The following NEDD9 variants were observed in gnomAD, a reference collection of about 807,000 sequenced individuals.
NEDD9 encodes the protein enhancer of filamentation 1.
A neutral mutation model predicts 76.6 loss-of-function variants in NEDD9; 26 were observed. The observed-to-expected ratio is 0.34, with a 90% confidence interval of 0.25 to 0.47. The LOEUF is 0.47. NEDD9 is among the 20% of genes least tolerant of loss of function. The probability of loss-of-function intolerance (pLI) is 1.00; values close to 1 mark genes in which losing one functional copy is unlikely to be tolerated. For missense variants in NEDD9, 937 were observed against 1,058.5 expected (o/e 0.89, Z 1.59); for synonymous variants, 392 against 414.2 (o/e 0.95, Z 0.65).
At chr6:11,320,530 C>T (rs950987995) in intron 2 of NEDD9, among the ~76,000 whole-genome samples, 1 of 152,150 alleles carries the variant, frequency 6.6e-6, no homozygotes, top group African/African-American at 2.4e-5. Context: ...TCCTCAAATG[C>T]CATCCTCAGG....
intron 1 of NEDD9, among the ~76,000 whole-genome samples, chr6:11,379,994 G>A (rs569874117): frequency 1.6e-4 from 25 of 152,334 alleles, no homozygotes; most frequent in Non-Finnish European, 1.9e-4. Context: ...GCAGTAGGAC[G>A]CATCTTCGTG....
chr6:11,294,266 C>A (rs187513047), intron 3 of NEDD9, among the ~76,000 whole-genome samples: 1 of 152,238 alleles, frequency 6.6e-6, no homozygotes, highest in East Asian at 1.9e-4. Context: ...TGTTCCATAA[C>A]GACTATACCA....
At chr6:11,319,709 CACAAACA>C (rs1224442371) in intron 2 of NEDD9, among the ~76,000 whole-genome samples, 5,242 of 149,446 alleles carry the variant, frequency 0.035, 176 homozygotes, top group South Asian at 0.097. Flanking sequence ...AACATGCACA[CACAAACA>C]TGCACACTCA....
At chr6:11,268,746 G>C (rs10947074) in intron 3 of NEDD9, among the ~76,000 whole-genome samples, 23,458 of 136,476 alleles carry the variant, frequency 0.17, 2,099 homozygotes, top group African/African-American at 0.27. Flanking sequence ...CACACACACA[G>C]ACACACACAC....
chr6:11,211,747 G>A (rs1047700328), intron 2 of NEDD9, among the ~76,000 whole-genome samples: 2 of 152,216 alleles, frequency 1.3e-5, no homozygotes, highest in Non-Finnish European at 2.9e-5. Flanking sequence ...CCCTCTTAAC[G>A]AACCTACGCT....
intron 3 of NEDD9, among the ~76,000 whole-genome samples, chr6:11,293,543 G>C (rs1760823611): frequency 2.6e-5 from 4 of 152,208 alleles, no homozygotes; most frequent in Middle Eastern, 3.4e-3. Context: ...ATGATGCTTT[G>C]ATATACATAT....
At chr6:11,232,202 A>T (rs1759489156) in intron 1 of NEDD9, among the ~76,000 whole-genome samples, 2 of 152,162 alleles carry the variant, frequency 1.3e-5, no homozygotes, top group African/African-American at 4.8e-5. Context: ...TTCAAGTCAG[A>T]CACCCTCTGA....
chr6:11,350,799 G>A (rs1415453929), intron 1 of NEDD9, among the ~76,000 whole-genome samples: 1 of 152,110 alleles, frequency 6.6e-6, no homozygotes, highest in African/African-American at 2.4e-5. Flanking sequence ...GCAAGTGGTC[G>A]GGATGCCCTG....
intron 1 of NEDD9, among the ~76,000 whole-genome samples, chr6:11,230,258 A>G (rs775011695): frequency 6.6e-6 from 1 of 152,238 alleles, no homozygotes; most frequent in Non-Finnish European, 1.5e-5. Context: ...AACACTGGCC[A>G]TATTTTAGAG....
chr6:11,302,242 A>C (rs1007236036), intron 3 of NEDD9, among the ~76,000 whole-genome samples: 1 of 152,242 alleles, frequency 6.6e-6, no homozygotes, highest in East Asian at 1.9e-4. Context: ...AAACACCTCT[A>C]TGCAAATAAA....
At chr6:11,249,014 C>A in intron 3 of NEDD9, 1 of 419,890 alleles carries the variant, frequency 2.4e-6, no homozygotes, top group Non-Finnish European at 4.8e-6. Flanking sequence ...ATGCCAGTGA[C>A]TCACCAGTTT....
intron 3 of NEDD9, among the ~76,000 whole-genome samples, chr6:11,247,603 C>T (rs762367562): frequency 1.3e-5 from 2 of 152,166 alleles, no homozygotes; most frequent in African/African-American, 2.4e-5. Context: ...TCCCCATTTC[C>T]CCCCAGGCCC....
Position 11,213,460 on chromosome 6 carries a change from C to T in NEDD9, c.280G>A (p.Val94Met), listed in dbSNP as rs200915045. ...QTFGQQKLYQ[V>M]PNPQAAPRDT... ...CGGGGAGCAGCCTGTGGGTTTGGCA[C>T]TTGATAGAGCTTCTGTTGGCCAAAG... is the stretch of plus-strand genomic sequence containing the variant. Residue 94 changes from valine to methionine, a missense_variant, in exon 2 of 7, where the codon GTG becomes ATG. Val to Met is a conservative substitution (Grantham distance 21, BLOSUM62 1). Coordinates refer to ENST00000379446, the MANE Select transcript of NEDD9 (RefSeq NM_006403.4). The surrounding 1 kb of genome is among the most constrained non-coding windows in gnomAD (Gnocchi z 5.4). 1.2e-6 allele frequency: 2 copies of T among 1,614,098 alleles called. No individual in the cohort carries two copies. The highest frequency in any genetic ancestry group is 2.2e-5 in the East Asian group (1 of 44,878).
chr6:11,282,148 C>T (rs572246864), intron 3 of NEDD9, among the ~76,000 whole-genome samples: 1 of 152,332 alleles, frequency 6.6e-6, no homozygotes, highest in African/African-American at 2.4e-5. Flanking sequence ...GCACAAGGTA[C>T]TTTAATACAT....
intron 3 of NEDD9, among the ~76,000 whole-genome samples, chr6:11,257,631 A>G (rs1453586445): frequency 6.6e-6 from 1 of 152,168 alleles, no homozygotes; most frequent in Non-Finnish European, 1.5e-5. Context: ...CCCGAGGTCA[A>G]CCTGGAAACA....
intron 2 of NEDD9, among the ~76,000 whole-genome samples, chr6:11,312,457 T>A (rs78394794): frequency 0.078 from 11,874 of 152,152 alleles, 595 homozygotes; most frequent in Admixed American, 0.16. Flanking sequence ...GCTGTCATGT[T>A]CAGGCCACTT....
intron 1 of NEDD9, among the ~76,000 whole-genome samples, chr6:11,219,504 C>A (rs1465265873): frequency 6.6e-6 from 1 of 152,230 alleles, no homozygotes; most frequent in African/African-American, 2.4e-5. Flanking sequence ...GTACCCAATC[C>A]CCCAAAACTT....
intron 1 of NEDD9, among the ~76,000 whole-genome samples, chr6:11,351,402 A>T (rs1245965453): frequency 6.6e-6 from 1 of 152,160 alleles, no homozygotes; most frequent in Non-Finnish European, 1.5e-5. Context: ...GGGGTTCAGG[A>T]CATATTGCCC....
At chr6:11,372,124 C>T in intron 1 of NEDD9, among the ~76,000 whole-genome samples, 1 of 151,872 alleles carries the variant, frequency 6.6e-6, no homozygotes, top group South Asian at 2.1e-4. Context: ...CCCTACCTGC[C>T]CCCCATAATC....
Sources: gnomAD v4.1 joint callset for allele counts (sites outside exome capture counted in the v4.1 genomes callset) on GRCh38, gnomAD v4.1.1 for gene constraint, Gnocchi (gnomAD v3.1) non-coding constraint, MANE v1.5 for transcripts, NCBI Gene and HGNC (gene_info 2026-07-23, HGNC 2026-07-21) for gene names.